The following ZNF808 variants were observed in gnomAD, a reference collection of about 807,000 sequenced individuals.
ZNF808 encodes zinc finger protein 808.
ZNF808 carries 5 observed loss-of-function variants against 8.7 expected under a neutral mutation model. The observed-to-expected ratio is 0.58, with a 90% CI of 0.30 to 1.21. The LOEUF (loss-of-function observed/expected upper bound fraction) is 1.21, where lower values mean the gene tolerates loss of function less well. ZNF808 is among the 50% of genes most tolerant of loss of function. The probability of loss-of-function intolerance (pLI) is 0.07; values close to 1 mark genes in which losing one functional copy is unlikely to be tolerated. For synonymous variants in ZNF808, 380 were observed against 366.0 expected (o/e 1.04, Z -0.44); for missense variants, 1,103 against 1,098.4 (o/e 1.00, Z -0.06).
downstream of ZNF808, among the ~76,000 whole-genome samples, chr19:52,557,423 C>T (rs2059841949): frequency 6.6e-6 from 1 of 152,036 alleles, no homozygotes; most frequent in Non-Finnish European, 1.5e-5. Flanking sequence ...CCCTCCACCA[C>T]TCCCGGCTAA....
chr19:52,530,064 C>T (rs1284938932), intron 1 of ZNF808, among the ~76,000 whole-genome samples: 1 of 151,848 alleles, frequency 6.6e-6, no homozygotes, highest in Non-Finnish European at 1.5e-5. Context: ...CTACATAGCC[C>T]CCCCCTTTTT....
At position 52,552,939 on chromosome 19, in the gene ZNF808, A is replaced by G. The variant is rs144201828; in HGVS notation, c.191-168A>G. Among the ~76,000 whole-genome samples, 105 of 152,232 alleles carry G rather than the reference A, an allele frequency of 6.9e-4. 2 individuals carry two copies. The East Asian group carries it at 0.018, about 26-fold the overall frequency. On this transcript the variant is annotated intron_variant, in intron 4 of 4. Coordinates refer to ENST00000359798, the MANE Select transcript of ZNF808 (RefSeq NM_001039886.4). ...ATAGAATTGATTTGAAGGACATGTAATTGCCCTTTATTTACTAAAGAATCT... is the reference window on the plus strand; with the variant it reads ...ATAGAATTGATTTGAAGGACATGTAGTTGCCCTTTATTTACTAAAGAATCT...
At chr19:52,558,357 C>G (rs947929646), downstream of ZNF808, among the ~76,000 whole-genome samples, 1 of 133,194 alleles carries the variant, frequency 7.5e-6, no homozygotes, top group African/African-American at 2.8e-5. Flanking sequence ...CCACCGCGCC[C>G]GGCATCTGAA....
At chr19:52,540,658 T>G (rs1265298543) in intron 2 of ZNF808, among the ~76,000 whole-genome samples, 2 of 152,170 alleles carry the variant, frequency 1.3e-5, no homozygotes, top group Non-Finnish European at 2.9e-5. Context: ...CTCAATTCCC[T>G]CTGGTCCATA....
intron 3 of ZNF808, among the ~76,000 whole-genome samples, chr19:52,544,419 C>A (rs367975328): frequency 6.6e-6 from 1 of 151,964 alleles, no homozygotes; most frequent in Admixed American, 6.6e-5. Context: ...CAACCTCCCC[C>A]TCCCAGTTTC....
downstream of ZNF808, among the ~76,000 whole-genome samples, chr19:52,559,244 C>T (rs1428962134): frequency 6.6e-6 from 1 of 152,058 alleles, no homozygotes; most frequent in African/African-American, 2.4e-5. Flanking sequence ...TTGTATATTC[C>T]ATCTACTGAG....
intron 4 of ZNF808, 62 bp from the exon 5 acceptor site, chr19:52,553,045 C>T (rs1269013369): frequency 7.5e-6 from 11 of 1,461,264 alleles, no homozygotes; most frequent in Non-Finnish European, 9.9e-6. Context: ...CATATTTACA[C>T]ACTTCAGTAT....
intron 2 of ZNF808, among the ~76,000 whole-genome samples, chr19:52,533,246 G>A (rs2059576328): frequency 6.6e-6 from 1 of 151,892 alleles, no homozygotes; most frequent in South Asian, 2.1e-4. Flanking sequence ...TTCCAACGGA[G>A]ACACAGTTTC....
In ZNF808 at chr19:52,533,953, A is replaced by G. The variant is rs112512483; in HGVS notation, c.-20+944A>G. 4.9e-3 allele frequency among the ~76,000 whole-genome samples: 742 copies of G among 151,988 alleles called. 6 individuals are homozygous for G. The highest frequency in any genetic ancestry group is 0.017 in the African/African-American group (693 of 41,464). On this transcript the variant is annotated intron_variant, in intron 2 of 4. Coordinates refer to ENST00000359798, the MANE Select transcript of ZNF808 (RefSeq NM_001039886.4). Reference sequence around the variant, plus strand: ...AAATGATTCCAATTTAAAGCTATGGACATTTAAATAATTCTGAGCCTTGAG... The same window carrying G: ...AAATGATTCCAATTTAAAGCTATGGGCATTTAAATAATTCTGAGCCTTGAG...
downstream of ZNF808, among the ~76,000 whole-genome samples, chr19:52,561,162 C>T (rs28400361): frequency 0.59 from 49,291 of 83,256 alleles, 12,578 homozygotes; most frequent in African/African-American, 0.65. Context: ...TATCTGTTCT[C>T]TCTCTCTCTC....
chr19:52,547,948 A>G (rs1199357608), intron 4 of ZNF808, among the ~76,000 whole-genome samples: 1 of 151,964 alleles, frequency 6.6e-6, no homozygotes, highest in Non-Finnish European at 1.5e-5. Context: ...CATGTTGGTC[A>G]GGCTCGTCTC....
At chr19:52,531,660 T>G (rs1270166262) in intron 1 of ZNF808, among the ~76,000 whole-genome samples, 4 of 152,204 alleles carry the variant, frequency 2.6e-5, no homozygotes, top group Non-Finnish European at 2.9e-5. Context: ...GTCTGCATCA[T>G]ATTTTTGATG....
At chr19:52,540,652 A>G (rs932714985) in intron 2 of ZNF808, among the ~76,000 whole-genome samples, 8 of 152,098 alleles carry the variant, frequency 5.3e-5, no homozygotes, top group African/African-American at 9.7e-5. Context: ...TGTCCCCTCA[A>G]TTCCCTCTGG....
chr19:52,535,038 T>TAAA (rs1043820598), intron 2 of ZNF808, among the ~76,000 whole-genome samples: 1 of 143,100 alleles, frequency 7.0e-6, no homozygotes, highest in Admixed American at 7.0e-5. Context: ...AAAAACGGGT[T>TAAA]AAAAAAAAAA....
chr19:52,559,934 G>C (rs1478930657), downstream of ZNF808, among the ~76,000 whole-genome samples: 1 of 152,118 alleles, frequency 6.6e-6, no homozygotes, highest in African/African-American at 2.4e-5. Flanking sequence ...GGATGGATAA[G>C]CCCATGGTTT....
At chr19:52,537,163 G>A (rs2059620886) in intron 2 of ZNF808, among the ~76,000 whole-genome samples, 1 of 148,796 alleles carries the variant, frequency 6.7e-6, no homozygotes, top group Non-Finnish European at 1.5e-5. Context: ...TCCAGCCTGG[G>A]CAACAAGAGT....
intron 2 of ZNF808, among the ~76,000 whole-genome samples, chr19:52,538,637 C>CAAAAAAAAA (rs68018028): frequency 7.8e-6 from 1 of 128,314 alleles, no homozygotes; most frequent in Non-Finnish European, 1.6e-5. Flanking sequence ...TCAAAAAAAC[C>CAAAAAAAAA]AAAAAAGAAT....
intron 1 of ZNF808, among the ~76,000 whole-genome samples, chr19:52,531,804 G>T (rs2059564235): frequency 6.6e-6 from 1 of 152,014 alleles, no homozygotes; most frequent in African/African-American, 2.4e-5. Flanking sequence ...ATATAAAATT[G>T]CTGTATTGCC....
intron 4 of ZNF808, among the ~76,000 whole-genome samples, chr19:52,548,695 G>A (rs2059746696): frequency 6.6e-6 from 1 of 152,174 alleles, no homozygotes; most frequent in African/African-American, 2.4e-5. Flanking sequence ...AAAGTGCTGG[G>A]ATTACAGGCA....
Sources: allele counts gnomAD v4.1 joint callset (sites outside exome capture counted in the v4.1 genomes callset), GRCh38; gene constraint gnomAD v4.1.1; transcripts MANE v1.5; gene names NCBI Gene and HGNC (gene_info 2026-07-23, HGNC 2026-07-21).